SLC22A2: variants seen among roughly 807,000 people sequenced by gnomAD.
The protein encoded by SLC22A2 is solute carrier family 22 member 2.
Under a neutral mutation model 60.5 loss-of-function variants are expected in SLC22A2, and 46 were observed. The observed-to-expected ratio is 0.76, with a 90% CI of 0.60 to 0.97. The LOEUF (loss-of-function observed/expected upper bound fraction) is 0.97, where lower values mean the gene tolerates loss of function less well. Among genes scored for constraint, SLC22A2 ranks in the 50% least tolerant of loss-of-function variants. SLC22A2 has a pLI of 0.00. For missense variants in SLC22A2, 701 were observed against 706.6 expected, an observed-to-expected ratio of 0.99 and a Z score of 0.09; for synonymous variants, 303 against 267.0, an observed-to-expected ratio of 1.13 and a Z score of -1.31.
chr6:160,252,291 C>T (rs888299322), intron 2 of SLC22A2, among the ~76,000 whole-genome samples: 18 of 152,182 alleles, frequency 1.2e-4, no homozygotes, highest in African/African-American at 4.3e-4. Context: ...ACTTTCAAAA[C>T]TGCTTCAGGC....
intron 10 of SLC22A2, among the ~76,000 whole-genome samples, chr6:160,218,867 G>T (rs1333014841): frequency 8.1e-5 from 1 of 12,320 alleles, no homozygotes; most frequent in East Asian, 1.3e-3. Context: ...AATAGCCACA[G>T]AAATAGCAAA....
At chr6:160,236,113 T>A (rs116172815) in intron 9 of SLC22A2, among the ~76,000 whole-genome samples, 349 of 152,128 alleles carry the variant, frequency 2.3e-3, no homozygotes, top group African/African-American at 8.2e-3. Flanking sequence ...ATTGTTGTTT[T>A]GTGTTGATCC....
At position 160,242,483 on chromosome 6, in the gene SLC22A2, G is replaced by A; in HGVS notation, c.1280-81C>T. The A allele has an allele frequency of 4.8e-6, 4 of 828,028 alleles. No individual in the cohort carries two copies. In the Admixed American group the frequency reaches 6.9e-5, roughly 14 times the overall value. 51.3% of individuals were successfully genotyped at this position (828,028 alleles called of 1,614,324 possible). A position where few individuals can be genotyped will look rare whatever the true frequency, so the allele number is the denominator to read the frequency against. ...CAGTGCTCCAGAGTGGGACTGTAAG[G>A]ACAAATTCCCCATCCCAGAATGGGA... On this transcript the variant is annotated intron_variant, in intron 7 of 10. Coordinates refer to ENST00000366953, the MANE Select transcript of SLC22A2 (RefSeq NM_003058.4).
chr6:160,242,180 C>A, intron 8 of SLC22A2, 114 bp downstream of exon 8: 1 of 732,322 alleles, frequency 1.4e-6, no homozygotes. Flanking sequence ...GTGTTCTCAC[C>A]TTCCCTTACA....
At chr6:160,232,229 C>G (rs573060996) in intron 9 of SLC22A2, among the ~76,000 whole-genome samples, 19 of 151,852 alleles carry the variant, frequency 1.3e-4, no homozygotes, top group Non-Finnish European at 1.8e-4. Context: ...TCTCTCTGAT[C>G]CACCTGACAT....
chr6:160,237,782 T>C (rs568620217), intron 9 of SLC22A2, among the ~76,000 whole-genome samples: 3 of 152,256 alleles, frequency 2.0e-5, no homozygotes, highest in African/African-American at 7.2e-5. Flanking sequence ...CAGGATGAGA[T>C]AGGAAGTTGG....
chr6:160,249,152 A>G lies in SLC22A2; in HGVS notation c.842+64T>C, dbSNP rs1783142005. 4 of 1,167,864 alleles carry G rather than the reference A, an allele frequency of 3.4e-6. No homozygotes were observed. In the Admixed American group the frequency reaches 9.6e-5, roughly 28 times the overall value. 72.3% of individuals were successfully genotyped at this position (1,167,864 alleles called of 1,614,324 possible). ...TCAGAAAGATAGTGTGCATTAAGGA[A>G]GGCAGACTTCTTAGCAGAATAAAAT... On this transcript the variant is annotated intron_variant, in intron 4 of 10. Coordinates refer to ENST00000366953, the MANE Select transcript of SLC22A2 (RefSeq NM_003058.4).
At chr6:160,255,393 T>C (rs933964694) in intron 2 of SLC22A2, among the ~76,000 whole-genome samples, 2 of 152,200 alleles carry the variant, frequency 1.3e-5, no homozygotes, top group African/African-American at 4.8e-5. Flanking sequence ...CATTTGCAAG[T>C]TTTAATTCAG....
intron 1 of SLC22A2, among the ~76,000 whole-genome samples, 170 bp from the exon 2 acceptor site, chr6:160,256,887 CT>C (rs1361053830): frequency 9.6e-4 from 128 of 133,120 alleles, no homozygotes; most frequent in Middle Eastern, 4.4e-3. Flanking sequence ...TTTTCTTCTT[CT>C]TCTCTCTCTC....
At chr6:160,254,678 C>G (rs998657551) in intron 2 of SLC22A2, among the ~76,000 whole-genome samples, 1 of 152,106 alleles carries the variant, frequency 6.6e-6, no homozygotes, top group African/African-American at 2.4e-5. Context: ...GGGCAATGAC[C>G]GGCCAAGCTT....
At chr6:160,224,291 A>ATTTTTTTTTTTTTTTT (rs10666190) in intron 10 of SLC22A2, among the ~76,000 whole-genome samples, 2 of 148,406 alleles carry the variant, frequency 1.3e-5, no homozygotes. Context: ...CAAATCTGTT[A>ATTTTTTTTTTTTTTTT]TTTTTTTTTT....
At chr6:160,252,526 T>TTGG in intron 2 of SLC22A2, among the ~76,000 whole-genome samples, 1 of 152,200 alleles carries the variant, frequency 6.6e-6, no homozygotes, top group East Asian at 1.9e-4. Flanking sequence ...CTGAGACTCC[T>TTGG]CCTACCCCTC....
intron 5 of SLC22A2, among the ~76,000 whole-genome samples, chr6:160,246,158 G>A (rs905685348): frequency 6.6e-6 from 1 of 151,430 alleles, no homozygotes; most frequent in African/African-American, 2.4e-5. Flanking sequence ...GAGCCACTGC[G>A]CCCGACCAAT....
At chr6:160,243,834 C>T in intron 6 of SLC22A2, 48 bp from the exon 7 acceptor site, 2 of 1,372,402 alleles carry the variant, frequency 1.5e-6, no homozygotes, top group Non-Finnish European at 2.1e-6. Flanking sequence ...AAACACAGGG[C>T]ACCAAAAAAG....
intron 7 of SLC22A2, 43 bp downstream of exon 7, chr6:160,243,529 C>T (rs774873395): frequency 1.0e-5 from 14 of 1,388,376 alleles, no homozygotes; most frequent in African/African-American, 1.4e-5. Context: ...CTCCCTTTCT[C>T]CAGGGTCTTG....
chr6:160,247,270 T>G lies in SLC22A2; in HGVS notation c.871A>C (p.Ile291Leu). The G allele has an allele frequency of 6.2e-7, 1 of 1,612,916 alleles. No individual in the cohort carries two copies. Among genetic ancestry groups the G allele is most frequent in the Non-Finnish European group, 8.5e-7 (1 of 1,178,904 alleles). ...GCTTCAGCATTCTTATTCTGGGAGA[T>G]CAGCCACCTGGGAGACTCAGGTATG... ...WCIPESPRWLISQNKNAEAMR... is the reference protein window; with the variant it reads ...WCIPESPRWLLSQNKNAEAMR... Residue 291 changes from isoleucine to leucine, a missense_variant, in exon 5 of 11, where the codon ATC becomes CTC. Coordinates refer to ENST00000366953, the MANE Select transcript of SLC22A2 (RefSeq NM_003058.4).
chr6:160,241,384 C>G, intron 9 of SLC22A2, 90 bp downstream of exon 9: 1 of 778,118 alleles, frequency 1.3e-6, no homozygotes, highest in East Asian at 2.6e-5. Flanking sequence ...TACTAATAGG[C>G]ATGACACCTG....
rs8177520 is a variant in SLC22A2, at chr6:160,241,577, G to A, written c.1398C>T (p.Gly466=). 424 of 1,609,036 alleles carry A rather than the reference G, an allele frequency of 2.6e-4. 2 individuals carry two copies. The African/African-American group carries it at 5.0e-3, about 19-fold the overall frequency. ...ELYPTFIRNL[G]VHICSSMCDI... Reference sequence around the variant, plus strand: ...CACACATTGAGGAACAGATGTGGACGCCAAGATTCCTAGAATGCAGGAAAC... The same window carrying A: ...CACACATTGAGGAACAGATGTGGACACCAAGATTCCTAGAATGCAGGAAAC... Residue 466 remains glycine, a synonymous_variant, in exon 9 of 11, where the codon GGC becomes GGT. Coordinates refer to ENST00000366953, the MANE Select transcript of SLC22A2 (RefSeq NM_003058.4).
chr6:160,241,652 C>G (rs1282602447), intron 8 of SLC22A2, 66 bp from the exon 9 acceptor site: 6 of 989,150 alleles, frequency 6.1e-6, no homozygotes, highest in Admixed American at 1.8e-5. Context: ...TCCCATCCAC[C>G]CCTGAATAAA....
Sources: gnomAD v4.1 joint callset for allele counts (sites outside exome capture counted in the v4.1 genomes callset) on GRCh38, gnomAD v4.1.1 for gene constraint, MANE v1.5 for transcripts, NCBI Gene and HGNC (gene_info 2026-07-23, HGNC 2026-07-21) for gene names.